The following CALN1 variants were observed in gnomAD, a reference collection of about 807,000 sequenced individuals.
CALN1 encodes calcium-binding protein 8.
A neutral mutation model predicts 30.6 loss-of-function variants in CALN1; 17 were observed. The observed-to-expected ratio is 0.56, with a 90% CI of 0.38 to 0.83. CALN1 has a LOEUF of 0.83. CALN1 is among the 40% of genes least tolerant of loss of function. The pLI, the probability that CALN1 is intolerant of heterozygous loss-of-function variation, is 0.00. For synonymous variants in CALN1, 156 were observed against 131.4 expected, an observed-to-expected ratio of 1.19 and a Z score of -1.28; for missense variants, 291 against 354.9, an observed-to-expected ratio of 0.82 and a Z score of 1.45.
intron 2 of CALN1, among the ~76,000 whole-genome samples, chr7:72,349,278 G>A (rs896036975): frequency 7.3e-5 from 10 of 136,452 alleles, no homozygotes; most frequent in Middle Eastern, 7.4e-3. Flanking sequence ...GTAAACACGC[G>A]TGCTTGTGTG....
At chr7:71,966,709 C>G (rs1305883106) in intron 5 of CALN1, among the ~76,000 whole-genome samples, 5 of 152,166 alleles carry the variant, frequency 3.3e-5, no homozygotes, top group Non-Finnish European at 7.3e-5. Flanking sequence ...ATTACCCAGT[C>G]TCAGGTATTT....
intron 3 of CALN1, among the ~76,000 whole-genome samples, chr7:72,203,975 C>CTTTT (rs1562730767): frequency 1.7e-4 from 17 of 101,586 alleles, no homozygotes; most frequent in African/African-American, 8.5e-4. Context: ...TAAGAGGCCT[C>CTTTT]TCTCTTTTTT....
chr7:72,119,513 A>G (rs1009741829), intron 3 of CALN1, among the ~76,000 whole-genome samples: 4 of 140,520 alleles, frequency 2.8e-5, no homozygotes, highest in African/African-American at 1.0e-4. Context: ...ATGGTAAAAG[A>G]AAGGAAAAAA....
intron 4 of CALN1, among the ~76,000 whole-genome samples, chr7:72,036,495 G>A (rs1360071380): frequency 2.0e-5 from 3 of 152,130 alleles, no homozygotes; most frequent in Non-Finnish European, 2.9e-5. Flanking sequence ...TGATGGACAC[G>A]ATTCCTTAGG....
chr7:72,160,541 A>G (rs919708801), intron 3 of CALN1, among the ~76,000 whole-genome samples: 1 of 152,088 alleles, frequency 6.6e-6, no homozygotes, highest in Non-Finnish European at 1.5e-5. Context: ...GACCCCTCAA[A>G]GTGCTGGGAT....
intron 5 of CALN1, among the ~76,000 whole-genome samples, chr7:71,983,425 G>T (rs1260289723): frequency 6.6e-6 from 1 of 152,166 alleles, no homozygotes; most frequent in African/African-American, 2.4e-5. Flanking sequence ...GAGTCCAACA[G>T]TGTCTCTATT....
intron 4 of CALN1, among the ~76,000 whole-genome samples, chr7:72,102,036 T>C (rs952285197): frequency 6.6e-6 from 1 of 152,218 alleles, no homozygotes; most frequent in Non-Finnish European, 1.5e-5. Context: ...TCAAAGCTTA[T>C]TTTATTTTTA....
intron 5 of CALN1, among the ~76,000 whole-genome samples, chr7:71,851,554 A>G (rs781721520): frequency 6.6e-6 from 1 of 151,838 alleles, no homozygotes; most frequent in Non-Finnish European, 1.5e-5. Context: ...ACATATATAT[A>G]TGAATATATA....
upstream of CALN1, among the ~76,000 whole-genome samples, chr7:72,413,251 CACACATAT>C (rs1230117501): frequency 6.6e-6 from 1 of 151,546 alleles, no homozygotes; most frequent in Non-Finnish European, 1.5e-5. Context: ...ACCACACATA[CACACATAT>C]ACATTCACAC....
intron 2 of CALN1, among the ~76,000 whole-genome samples, chr7:72,285,460 G>C (rs1798024767): frequency 6.6e-6 from 1 of 152,100 alleles, no homozygotes; most frequent in Non-Finnish European, 1.5e-5. Context: ...GGCCAGGATA[G>C]TCTCGATCTC....
chr7:71,934,381 G>C (rs1417938122), intron 5 of CALN1, among the ~76,000 whole-genome samples: 1 of 152,168 alleles, frequency 6.6e-6, no homozygotes, highest in Non-Finnish European at 1.5e-5. Context: ...GAATACCTGA[G>C]GCTGGGTAAT....
At chr7:72,043,586 T>C (rs1031370891) in intron 4 of CALN1, among the ~76,000 whole-genome samples, 10 of 151,936 alleles carry the variant, frequency 6.6e-5, no homozygotes, top group Non-Finnish European at 1.2e-4. Flanking sequence ...TTGGACAACA[T>C]AGCCAGACCT....
chr7:72,435,486 C>A (rs1808125483), intron 1 of CALN1, among the ~76,000 whole-genome samples: 1 of 152,210 alleles, frequency 6.6e-6, no homozygotes, highest in African/African-American at 2.4e-5. Flanking sequence ...CTCCCTCGGC[C>A]TGCGGGGGCC....
intron 5 of CALN1, among the ~76,000 whole-genome samples, chr7:72,016,448 A>AT (rs1438926457): frequency 2.6e-5 from 4 of 151,276 alleles, no homozygotes; most frequent in Non-Finnish European, 4.4e-5. Flanking sequence ...TATTATTATT[A>AT]TTTTTTGAGA....
intron 5 of CALN1, among the ~76,000 whole-genome samples, chr7:71,847,726 A>AAGAAAG (rs1790359660): frequency 9.1e-6 from 1 of 110,306 alleles, no homozygotes; most frequent in African/African-American, 4.1e-5. Flanking sequence ...AAAGAAGAAG[A>AAGAAAG]AAGAAGAAAG....
chr7:72,420,486 G>A (rs1445274561), intron 1 of CALN1, among the ~76,000 whole-genome samples: 2 of 151,870 alleles, frequency 1.3e-5, no homozygotes, highest in Non-Finnish European at 2.9e-5. Flanking sequence ...CACCGAGAGG[G>A]AGAGGAGCTG....
chr7:71,987,361 G>T (rs906568671), intron 5 of CALN1, among the ~76,000 whole-genome samples: 1 of 152,224 alleles, frequency 6.6e-6, no homozygotes, highest in African/African-American at 2.4e-5. Context: ...CCATGCGGGG[G>T]CTGTGAGGAC....
chr7:72,066,787 A>AT (rs200658441), intron 4 of CALN1, among the ~76,000 whole-genome samples: 8,840 of 142,058 alleles, frequency 0.062, 388 homozygotes, highest in African/African-American at 0.11. Flanking sequence ...ATTTTATTTT[A>AT]TTTTTTTTTT....
the CALN1 span, among the ~76,000 whole-genome samples, chr7:72,476,401 G>T: frequency 6.6e-6 from 1 of 152,220 alleles, no homozygotes; most frequent in Non-Finnish European, 1.5e-5. Flanking sequence ...TCTTGGGTAG[G>T]TCTTTATTAG....
Sources: allele counts gnomAD v4.1 joint callset (sites outside exome capture counted in the v4.1 genomes callset), GRCh38; gene constraint gnomAD v4.1.1; transcripts MANE v1.5; gene names NCBI Gene and HGNC (gene_info 2026-07-23, HGNC 2026-07-21).